STX17: variants seen among roughly 807,000 people sequenced by gnomAD.
The protein encoded by STX17 is syntaxin 17, also known as syntaxin-17.
In STX17, 29 loss-of-function variants were observed where a neutral mutation model predicts 35.9. The ratio of observed to expected loss-of-function variants is 0.81; its 90% confidence interval spans 0.60 to 1.10. The LOEUF (loss-of-function observed/expected upper bound fraction) is 1.10, where lower values mean the gene tolerates loss of function less well. Among genes scored for constraint, STX17 ranks in the 50% least tolerant of loss-of-function variants. The pLI, the probability that STX17 is intolerant of heterozygous loss-of-function variation, is 0.00. For missense variants in STX17, 312 were observed against 352.3 expected (o/e 0.89, Z 0.92); for synonymous variants, 92 against 118.3 (o/e 0.78, Z 1.44).
chr9:99,964,180 C>T lies in STX17; in HGVS notation c.583-3473C>T, dbSNP rs571337701. ...TTGCTTGACATAGAGGATGCTAGGC[C>T]TACAAGTGTCCCCAACAGGCATTCA... is the stretch of plus-strand genomic sequence containing the variant. On this transcript the variant is annotated intron_variant, in intron 6 of 7. Coordinates refer to ENST00000259400, the MANE Select transcript of STX17 (RefSeq NM_017919.3). Among the ~76,000 whole-genome samples, 312 of 152,220 alleles carry T rather than the reference C, an allele frequency of 2.0e-3. 1 individual carries two copies. The highest frequency in any genetic ancestry group is 7.1e-3 in the African/African-American group (297 of 41,540).
At chr9:99,941,871 A>G (rs947702871) in intron 3 of STX17, among the ~76,000 whole-genome samples, 15 of 152,152 alleles carry the variant, frequency 9.9e-5, no homozygotes, top group South Asian at 2.1e-4. Context: ...TGAACATACC[A>G]TAGTGTTTCC....
At chr9:99,961,901 TCTAA>T in intron 6 of STX17, among the ~76,000 whole-genome samples, 1 of 152,166 alleles carries the variant, frequency 6.6e-6, no homozygotes, top group South Asian at 2.1e-4. Context: ...ATTTGGAGGG[TCTAA>T]CTCTTAGAAG....
At chr9:99,913,115 T>A (rs529338723) in intron 1 of STX17, among the ~76,000 whole-genome samples, 2 of 152,294 alleles carry the variant, frequency 1.3e-5, no homozygotes, top group South Asian at 2.1e-4. Context: ...CTCATTTTTT[T>A]AATGATTCTT....
At chr9:99,957,900 A>G (rs1829745299) in intron 4 of STX17, among the ~76,000 whole-genome samples, 2 of 148,510 alleles carry the variant, frequency 1.3e-5, no homozygotes, top group South Asian at 4.3e-4. Context: ...TGGTTTTTTT[A>G]CTCTCTAATT....
chr9:99,935,234 G>T lies in STX17; in HGVS notation c.189+6391G>T, dbSNP rs1016078444. 7.5e-4 allele frequency among the ~76,000 whole-genome samples: 113 copies of T among 150,648 alleles called. 1 individual carries two copies. The highest frequency in any genetic ancestry group is 2.6e-3 in the African/African-American group (108 of 40,914). ...AGTCCCAGCTACTCGGGAGGCTGAG[G>T]CAGGAGAATGGCGTGAACCCAGGAG... On this transcript the variant is annotated intron_variant, in intron 3 of 7. Coordinates refer to ENST00000259400, the MANE Select transcript of STX17 (RefSeq NM_017919.3).
chr9:99,955,806 G>A (rs1465218691), intron 4 of STX17, among the ~76,000 whole-genome samples: 1 of 152,100 alleles, frequency 6.6e-6, no homozygotes, highest in African/African-American at 2.4e-5. Flanking sequence ...TCTGGTTTGT[G>A]TGTGGGTGGG....
chr9:99,947,089 T>A (rs1829501625), intron 3 of STX17, among the ~76,000 whole-genome samples: 1 of 152,130 alleles, frequency 6.6e-6, no homozygotes, highest in African/African-American at 2.4e-5. Context: ...TATTGTACCC[T>A]TTTCTAACTA....
intron 3 of STX17, among the ~76,000 whole-genome samples, chr9:99,942,831 G>A (rs960086502): frequency 2.2e-4 from 33 of 151,554 alleles, no homozygotes; most frequent in East Asian, 1.9e-4. Context: ...TACTTTTGTC[G>A]TAAGTCAAGT....
chr9:99,950,964 T>C, intron 3 of STX17, 96 bp from the exon 4 acceptor site: 1 of 1,131,014 alleles, frequency 8.8e-7, no homozygotes, highest in Non-Finnish European at 1.2e-6. Flanking sequence ...AGATATTTGT[T>C]ATAATTTCCA....
chr9:99,939,041 G>A (rs1040001062), intron 3 of STX17, among the ~76,000 whole-genome samples: 1 of 152,082 alleles, frequency 6.6e-6, no homozygotes, highest in Non-Finnish European at 1.5e-5. Flanking sequence ...AATCAGCCAT[G>A]GAATTTGTAG....
In STX17 at chr9:99,970,013, T is replaced by A. The variant is rs1829992763; in HGVS notation, c.*1340T>A. On this transcript the variant is annotated 3_prime_UTR_variant, in exon 8 of 8. Coordinates refer to ENST00000259400, the MANE Select transcript of STX17 (RefSeq NM_017919.3). Reference sequence around the variant, plus strand: ...ATACTGGAAAAAAAGAATTCAAGACTACAGGCAGCTCCCCTCTGTACCCCA... The same window carrying A: ...ATACTGGAAAAAAAGAATTCAAGACAACAGGCAGCTCCCCTCTGTACCCCA... 6.6e-6 allele frequency: 1 copy of A among 152,576 alleles called. No homozygotes were observed. Among genetic ancestry groups the A allele is most frequent in the Non-Finnish European group, 1.5e-5 (1 of 68,096 alleles). The allele number at this position is 152,576 out of a possible 1,614,324, so 9.5% of individuals were successfully genotyped here.
intron 1 of STX17, among the ~76,000 whole-genome samples, chr9:99,913,371 T>A (rs1048359340): frequency 6.6e-6 from 1 of 152,218 alleles, no homozygotes; most frequent in South Asian, 2.1e-4. Context: ...ACTTTTCATC[T>A]TTTTATTCCT....
intron 6 of STX17, among the ~76,000 whole-genome samples, chr9:99,965,228 G>T (rs1829892022): frequency 6.6e-6 from 1 of 152,030 alleles, no homozygotes; most frequent in Admixed American, 6.6e-5. Context: ...TATTCCAAAT[G>T]ATTTTTATGA....
At chr9:99,945,722 A>G (rs879557780) in intron 3 of STX17, 2 of 398,216 alleles carry the variant, frequency 5.0e-6, no homozygotes, top group Non-Finnish European at 1.0e-5. Flanking sequence ...TTTCTAGTTT[A>G]GGAACTACAT....
chr9:99,916,161 G>A (rs954668137), intron 2 of STX17: 29 of 439,188 alleles, frequency 6.6e-5, no homozygotes, highest in Non-Finnish European at 1.3e-4. Context: ...ATTCAGTTGA[G>A]GAAATAGGTA....
chr9:99,964,216 A>G (rs1829875719), intron 6 of STX17, among the ~76,000 whole-genome samples: 1 of 152,178 alleles, frequency 6.6e-6, no homozygotes, highest in Non-Finnish European at 1.5e-5. Context: ...AGAACAAAAC[A>G]GTTCATTGGT....
intron 3 of STX17, chr9:99,938,061 G>A (rs1224343054): frequency 6.6e-6 from 1 of 152,294 alleles, no homozygotes; most frequent in African/African-American, 2.4e-5. Context: ...GCAACAGGCA[G>A]TGTCTCCAGT....
chr9:99,948,688 G>A (rs1202883179), intron 3 of STX17, among the ~76,000 whole-genome samples: 1 of 152,108 alleles, frequency 6.6e-6, no homozygotes, highest in African/African-American at 2.4e-5. Flanking sequence ...TTAAAATTTA[G>A]CCACTATTTA....
At chr9:99,968,077 C>A (rs1829951924) in intron 7 of STX17, among the ~76,000 whole-genome samples, 1 of 152,162 alleles carries the variant, frequency 6.6e-6, no homozygotes, top group African/African-American at 2.4e-5. Flanking sequence ...TTGCTTTTAA[C>A]CCCAGGCACA....
Sources: gnomAD v4.1 joint callset for allele counts (sites outside exome capture counted in the v4.1 genomes callset) on GRCh38, gnomAD v4.1.1 for gene constraint, MANE v1.5 for transcripts, NCBI Gene and HGNC (gene_info 2026-07-23, HGNC 2026-07-21) for gene names.